The following CUL9 variants were observed in gnomAD, a reference collection of about 807,000 sequenced individuals.
CUL9 encodes cullin 9.
CUL9 carries 79 observed loss-of-function variants against 272.6 expected under a neutral mutation model. The ratio of observed to expected loss-of-function variants is 0.29; its 90% confidence interval spans 0.24 to 0.35. The LOEUF is 0.35. Among genes scored for constraint, CUL9 ranks in the 10% least tolerant of loss-of-function variants. The pLI, the probability that CUL9 is intolerant of heterozygous loss-of-function variation, is 1.00. For missense variants in CUL9, 2,532 were observed against 3,255.6 expected (o/e 0.78, Z 5.41); for synonymous variants, 1,186 against 1,286.5 (o/e 0.92, Z 1.67).
chr6:43,221,502 G>A lies in CUL9; in HGVS notation c.6752+181G>A. 3.4e-6 allele frequency: 3 copies of A among 888,086 alleles called. No individual in the cohort carries two copies. Among genetic ancestry groups the A allele is most frequent in the Non-Finnish European group, 5.1e-6 (3 of 591,012 alleles). 55.0% of individuals were successfully genotyped at this position (888,086 alleles called of 1,614,324 possible). On this transcript the variant is annotated intron_variant, in intron 34 of 40. Transcript: ENST00000252050. The surrounding 1 kb of genome is among the most constrained non-coding windows in gnomAD (Gnocchi z 4.2). ...TTAATGTTCCTTCTCCCACTCGTAA[G>A]TCCACACTGACTGGGGGAGTTCAAA... is the stretch of plus-strand genomic sequence containing the variant.
rs1306638801 is a variant in CUL9 at position 43,223,421 on chromosome 6, C to T, written c.7284+24C>T. 6.4e-7 allele frequency: 1 copy of T among 1,574,482 alleles called. No individual in the cohort carries two copies. The highest frequency in any genetic ancestry group is 1.2e-5 in the South Asian group (1 of 86,776). ...AGGTACTGCCCGGCCCAGACCCCTT[C>T]TGCTCCTGCATTCTGCGGGAGTTGA... On this transcript the variant is annotated intron_variant, in intron 39 of 40. Coordinates refer to ENST00000252050, the MANE Select transcript of CUL9 (RefSeq NM_015089.4). This position sits in a 1 kb window ranked among gnomAD's most constrained non-coding sequence, Gnocchi z 4.1.
In CUL9 at chr6:43,224,109, T is replaced by G. The variant is rs767969401; in HGVS notation, c.7299T>G (p.Gly2433=). Residue 2433 remains glycine, a synonymous_variant, in exon 40 of 41, where the codon GGT becomes GGG. Transcript: ENST00000252050. The surrounding 1 kb of genome is among the most constrained non-coding windows in gnomAD (Gnocchi z 4.2). ...LQHSAQDFRV[G]LQSPSVEAWE... is the part of the protein sequence containing the mutation. Reference sequence around the variant, plus strand: ...CTGCTCACCAGGATTTCCGGGTTGGTCTTCAGAGTCCATCAGTAGAGGCCT... The same window carrying G: ...CTGCTCACCAGGATTTCCGGGTTGGGCTTCAGAGTCCATCAGTAGAGGCCT... The G allele has an allele frequency of 9.3e-6, 15 of 1,614,206 alleles. No homozygotes were observed. Among genetic ancestry groups the G allele is most frequent in the Non-Finnish European group, 1.1e-5 (13 of 1,180,032 alleles).
chr6:43,188,348 C>T (rs994174948), intron 7 of CUL9, 175 bp from the exon 8 acceptor site: 14 of 798,588 alleles, frequency 1.8e-5, no homozygotes, highest in Non-Finnish European at 2.5e-5. Context: ...TCTGGGGTGT[C>T]TTCATCTCCT....
In CUL9 at chr6:43,199,444, A is replaced by T; in HGVS notation, c.3156+73A>T. 6 of 1,158,526 alleles carry T rather than the reference A, an allele frequency of 5.2e-6. No homozygotes were observed. Among genetic ancestry groups the T allele is most frequent in the Non-Finnish European group, 6.5e-6 (5 of 770,966 alleles). 71.8% of individuals were successfully genotyped at this position (1,158,526 alleles called of 1,614,324 possible). ...GCACCAACTCCTTGTGAGGCTCTGGAGGGCACAGCAGAGCCTTTCTGAATG... is the reference window on the plus strand; with the variant it reads ...GCACCAACTCCTTGTGAGGCTCTGGTGGGCACAGCAGAGCCTTTCTGAATG... On this transcript the variant is annotated intron_variant, in intron 13 of 40. Transcript: ENST00000252050. This position sits in a 1 kb window ranked among gnomAD's most constrained non-coding sequence, Gnocchi z 4.4.
At position 43,204,968 on chromosome 6, in the gene CUL9, A is replaced by G; in HGVS notation, c.4485A>G (p.Pro1495=). The part of the protein sequence containing the change: ...SRFLAAAWRA[P]DFVPRYCKLY... ...TCCTGGCTGCAGCTTGGAGGGCCCCAGACTTTGTGCCTCGTTACTGTAAAC... is the reference window on the plus strand; with the variant it reads ...TCCTGGCTGCAGCTTGGAGGGCCCCGGACTTTGTGCCTCGTTACTGTAAAC... The change falls in exon 23 of 41, where the codon CCA becomes CCG. Residue 1495 remains proline (P), a synonymous_variant. Transcript: ENST00000252050. 1.9e-6 allele frequency: 3 copies of G among 1,611,536 alleles called. No homozygotes were observed. The highest frequency in any genetic ancestry group is 2.5e-6 in the Non-Finnish European group (3 of 1,178,344).
chr6:43,188,760 C>A, intron 8 of CUL9, 45 bp downstream of exon 8: 6 of 1,473,312 alleles, frequency 4.1e-6, no homozygotes, highest in Non-Finnish European at 5.5e-6. Context: ...AAGCTGTAGG[C>A]AAAGGATGGT....
At chr6:43,197,640 C>A (rs1341059980) in intron 11 of CUL9, among the ~76,000 whole-genome samples, 1 of 151,938 alleles carries the variant, frequency 6.6e-6, no homozygotes, top group Non-Finnish European at 1.5e-5. Flanking sequence ...CGCACCACCA[C>A]ACCCAGCTAA....
At chr6:43,187,518 G>A in intron 6 of CUL9, 79 bp downstream of exon 6, 1 of 1,475,490 alleles carries the variant, frequency 6.8e-7, no homozygotes, top group East Asian at 2.3e-5. Context: ...TCAGATAGGG[G>A]TTACCGCTTA....
At position 43,215,367 on chromosome 6, in the gene CUL9, G is replaced by A. The variant is rs1775851964; in HGVS notation, c.5936+41G>A. 8 of 1,555,146 alleles carry A rather than the reference G, an allele frequency of 5.1e-6. No homozygotes were observed. The East Asian group carries it at 6.8e-5, about 13-fold the overall frequency. On this transcript the variant is annotated intron_variant, in intron 30 of 40. Transcript: ENST00000252050. Reference sequence around the variant, plus strand: ...GACCCCTTGCAGTGAGGCGGGAGAGGTGGTCATGCCAAAGCCAAGATCCCT... The same window carrying A: ...GACCCCTTGCAGTGAGGCGGGAGAGATGGTCATGCCAAAGCCAAGATCCCT...
At chr6:43,214,960 G>A in intron 29 of CUL9, 119 bp from the exon 30 acceptor site, 3 of 1,232,060 alleles carry the variant, frequency 2.4e-6, no homozygotes, top group Non-Finnish European at 3.3e-6. Context: ...CTGGGTGACA[G>A]AGCAAGACTG....
rs1321100916 is a variant in CUL9 at position 43,205,989 on chromosome 6, G to T, written c.4794-18G>T. ...TGGCACCCACACTGAGGCTTGGCCCGGGCTGTGTGTGCTGCAGGCATTATA... is the reference window on the plus strand; with the variant it reads ...TGGCACCCACACTGAGGCTTGGCCCTGGCTGTGTGTGCTGCAGGCATTATA... On this transcript the variant is annotated intron_variant, in intron 24 of 40. Transcript: ENST00000252050. 2.5e-6 allele frequency: 4 copies of T among 1,609,882 alleles called. No individual in the cohort carries two copies. The highest frequency in any genetic ancestry group is 4.5e-5 in the East Asian group (2 of 44,780).
intron 10 of CUL9, 95 bp from the exon 11 acceptor site, chr6:43,196,550 T>G: frequency 2.6e-6 from 3 of 1,160,498 alleles, no homozygotes; most frequent in Non-Finnish European, 3.9e-6. Context: ...CTGGAGCCCT[T>G]TGCTCCCTAG....
Position 43,222,775 on chromosome 6 carries a change from G to C in CUL9, c.7033-4G>C. 1 of 1,613,554 alleles carries C rather than the reference G, an allele frequency of 6.2e-7. No homozygotes were observed. Among genetic ancestry groups the C allele is most frequent in the Non-Finnish European group, 8.5e-7 (1 of 1,179,604 alleles). ...GGCGGGAGAGCTGATGGGAGCCCCT[G>C]CAGGTGCTGGCCTACGCCTGCGTGT... On this transcript the variant is annotated splice_polypyrimidine_tract_variant and splice_region_variant and intron_variant, in intron 37 of 40. Coordinates refer to ENST00000252050, the MANE Select transcript of CUL9 (RefSeq NM_015089.4).
rs373321737 is a variant in CUL9 at position 43,221,334 on chromosome 6, G to T, written c.6752+13G>T. ...AGGGGTGCCTGCAGTAAGAAGGGGG[G>T]TACTGTGGGGAGCCAGAGGGCAAGG... On this transcript the variant is annotated intron_variant, in intron 34 of 40. Coordinates refer to ENST00000252050, the MANE Select transcript of CUL9 (RefSeq NM_015089.4). The surrounding 1 kb of genome is among the most constrained non-coding windows in gnomAD (Gnocchi z 4.2). The T allele has an allele frequency of 1.1e-5, 18 of 1,591,348 alleles. No homozygotes were observed. Among genetic ancestry groups the T allele is most frequent in the Middle Eastern group, 3.7e-4 (2 of 5,412 alleles).
chr6:43,222,264 C>A (rs1033521517), intron 35 of CUL9, 52 bp from the exon 36 acceptor site: 1 of 1,471,288 alleles, frequency 6.8e-7, no homozygotes, highest in Admixed American at 1.7e-5. Context: ...CTTATTAACT[C>A]CCTCCTGTCC....
At position 43,220,965 on chromosome 6, in the gene CUL9, G is replaced by T; in HGVS notation, c.6588+54G>T. The T allele has an allele frequency of 6.6e-7, 1 of 1,522,314 alleles. No individual in the cohort carries two copies. The allele number at this position is 1,522,314 out of a possible 1,614,324, so 94.3% of individuals were successfully genotyped here. Reference sequence around the variant, plus strand: ...GAGCAAGGATTCACACTCCTTCCCTGCTTAATATCCCCACCCCGCCACACA... The same window carrying T: ...GAGCAAGGATTCACACTCCTTCCCTTCTTAATATCCCCACCCCGCCACACA... On this transcript the variant is annotated intron_variant, in intron 33 of 40. Coordinates refer to ENST00000252050, the MANE Select transcript of CUL9 (RefSeq NM_015089.4). The surrounding 1 kb of genome is among the most constrained non-coding windows in gnomAD (Gnocchi z 4.9).
At chr6:43,219,703 G>C (rs1776186128) in intron 31 of CUL9, among the ~76,000 whole-genome samples, 1 of 152,106 alleles carries the variant, frequency 6.6e-6, no homozygotes, top group Admixed American at 6.5e-5. Context: ...TGAGAGGCAG[G>C]GGTCACTCAT....
At chr6:43,219,741 G>C (rs772187596) in intron 31 of CUL9, among the ~76,000 whole-genome samples, 1 of 152,190 alleles carries the variant, frequency 6.6e-6, no homozygotes, top group African/African-American at 2.4e-5. Flanking sequence ...TCAGACGGCT[G>C]CAACGGCTGC....
Position 43,221,417 on chromosome 6 carries a change from A to G in CUL9, c.6752+96A>G. The G allele has an allele frequency of 7.1e-7, 1 of 1,415,846 alleles. No homozygotes were observed. Among genetic ancestry groups the G allele is most frequent in the African/African-American group, 1.4e-5 (1 of 69,802 alleles). The allele number at this position is 1,415,846 out of a possible 1,614,324, so 87.7% of individuals were successfully genotyped here. ...AACGGGCTTAGTGTAAAGCTCAGCA[A>G]AAGAGGGTGGTTCCTCAGCCGCCCC... On this transcript the variant is annotated intron_variant, in intron 34 of 40. Transcript: ENST00000252050. This position sits in a 1 kb window ranked among gnomAD's most constrained non-coding sequence, Gnocchi z 4.2.
Sources: allele counts gnomAD v4.1 joint callset (sites outside exome capture counted in the v4.1 genomes callset), GRCh38; gene constraint gnomAD v4.1.1; non-coding constraint Gnocchi (gnomAD v3.1); transcripts MANE v1.5; gene names NCBI Gene and HGNC (gene_info 2026-07-23, HGNC 2026-07-21).